The following NEK4 variants were observed in gnomAD, a reference collection of about 807,000 sequenced individuals.
NEK4 encodes serine/threonine-protein kinase Nek4.
A neutral mutation model predicts 98.4 loss-of-function variants in NEK4; 86 were observed. The ratio of observed to expected loss-of-function variants is 0.87; its 90% confidence interval spans 0.73 to 1.05. The LOEUF (loss-of-function observed/expected upper bound fraction) is 1.05. NEK4 is among the 50% of genes least tolerant of loss of function. The pLI, the probability that NEK4 is intolerant of heterozygous loss-of-function variation, is 0.00. For synonymous variants in NEK4, 328 were observed against 342.2 expected (o/e 0.96, Z 0.46); for missense variants, 898 against 950.3 (o/e 0.94, Z 0.72).
chr3:52,736,569 G>A (rs892538752), intron 15 of NEK4, among the ~76,000 whole-genome samples: 1 of 149,410 alleles, frequency 6.7e-6, no homozygotes, highest in Non-Finnish European at 1.5e-5. Flanking sequence ...CTAGGTGACA[G>A]AGCGAGACTC....
At chr3:52,769,779 C>T (rs542595498) in intron 1 of NEK4, among the ~76,000 whole-genome samples, 13 of 152,332 alleles carry the variant, frequency 8.5e-5, no homozygotes, top group African/African-American at 3.1e-4. Context: ...CCAGTTTGTA[C>T]ATTATATTGT....
intron 15 of NEK4, among the ~76,000 whole-genome samples, chr3:52,719,764 G>A (rs2097358485): frequency 6.6e-6 from 1 of 151,932 alleles, no homozygotes; most frequent in Non-Finnish European, 1.5e-5. Context: ...AAATTCTAGA[G>A]CTAAAAAGTA....
At position 52,770,638 on chromosome 3, in the gene NEK4, CCCCA is replaced by C. The variant is rs1346734164; in HGVS notation, c.93+12_93+15del. 3 of 1,492,760 alleles carry C rather than the reference CCCCA, an allele frequency of 2.0e-6. No individual in the cohort carries two copies. In the African/African-American group the frequency reaches 4.2e-5, roughly 21 times the overall value. 92.5% of individuals were successfully genotyped at this position (1,492,760 alleles called of 1,614,324 possible). ...CTGCCCGCCCCCGCCCCTTGCCGGG[CCCCA>C]CCCCTGCAGACCTGCTTGCCGTCCC... is the stretch of plus-strand genomic sequence containing the variant. On this transcript the variant is annotated intron_variant, in intron 1 of 15. Coordinates refer to ENST00000233027, the MANE Select transcript of NEK4 (RefSeq NM_003157.6).
intron 15 of NEK4, among the ~76,000 whole-genome samples, chr3:52,726,516 G>GCA (rs2097364721): frequency 6.6e-6 from 1 of 150,908 alleles, no homozygotes; most frequent in Non-Finnish European, 1.5e-5. Context: ...GGAGAATGCT[G>GCA]TGAATCCGGG....
intron 15 of NEK4, chr3:52,733,623 C>T (rs1317454040): frequency 4.0e-6 from 2 of 499,006 alleles, no homozygotes; most frequent in Non-Finnish European, 8.0e-6. Context: ...ACGTTGAAAG[C>T]ATTTAGCAAG....
intron 6 of NEK4, among the ~76,000 whole-genome samples, chr3:52,758,223 G>C (rs954447976): frequency 6.3e-5 from 9 of 143,894 alleles, no homozygotes; most frequent in African/African-American, 2.0e-4. Flanking sequence ...TAGAATGGTA[G>C]AACAGTGGTT....
intron 15 of NEK4, among the ~76,000 whole-genome samples, chr3:52,737,239 C>A (rs1018668101): frequency 6.6e-6 from 1 of 151,734 alleles, no homozygotes; most frequent in African/African-American, 2.4e-5. Flanking sequence ...CCACCATGCC[C>A]AAGCTAAAGT....
intron 15 of NEK4, chr3:52,733,946 T>C: frequency 4.4e-6 from 1 of 227,606 alleles, no homozygotes; most frequent in Non-Finnish European, 8.8e-6. Flanking sequence ...ACGTTATAAA[T>C]GTAATAAATG....
At chr3:52,753,863 A>G (rs2097409966) in intron 6 of NEK4, 2 of 372,732 alleles carry the variant, frequency 5.4e-6, no homozygotes, top group South Asian at 4.2e-5. Context: ...CATAGGGCAC[A>G]GACTTTATCA....
chr3:52,726,921 G>A (rs1247473950), intron 15 of NEK4, among the ~76,000 whole-genome samples: 2 of 151,210 alleles, frequency 1.3e-5, no homozygotes, highest in African/African-American at 2.4e-5. Flanking sequence ...TAAATAAGAG[G>A]ACTTGAACAA....
In NEK4 at chr3:52,760,835, G is replaced by C. The variant is rs750536100; in HGVS notation, c.923C>G (p.Pro308Arg). The C allele has an allele frequency of 5.0e-6, 8 of 1,610,604 alleles. No homozygotes were observed. Residue 308 changes from proline to arginine, a missense_variant, in exon 6 of 16, where the codon CCC (proline) becomes CGC (arginine). Physicochemically the swap from Pro to Arg is moderately radical, Grantham distance 103 (BLOSUM62 -2). Coordinates refer to ENST00000233027, the MANE Select transcript of NEK4 (RefSeq NM_003157.6). ...GGAGCCCTCAGAAGAGAGTGGTTGG[G>C]GGTGGATTACTTCATGATTTGATTC... ...EAESNHEVIH[P>R]QPLSSEGSQT...
chr3:52,718,003 A>G (rs1264944601), intron 15 of NEK4, among the ~76,000 whole-genome samples: 3 of 150,890 alleles, frequency 2.0e-5, no homozygotes, highest in Non-Finnish European at 2.9e-5. Flanking sequence ...CATGTTGGCC[A>G]GGCTGGTCTC....
Position 52,711,941 on chromosome 3 carries a change from G to C in NEK4, c.2434-72C>G, listed in dbSNP as rs1271559758. ...AATATTTCTGTAATCTTAGAGGAAG[G>C]GCTTTTCTAAGCATGGTATCCAAGG... On this transcript the variant is annotated intron_variant, in intron 15 of 15. Transcript: ENST00000233027. 4 of 814,806 alleles carry C rather than the reference G, an allele frequency of 4.9e-6. No individual in the cohort carries two copies. In the East Asian group the frequency reaches 8.0e-5, roughly 16 times the overall value. 50.5% of individuals were successfully genotyped at this position (814,806 alleles called of 1,614,324 possible). A position where few individuals can be genotyped will look rare whatever the true frequency, so the allele number is the denominator to read the frequency against.
chr3:52,746,348 T>C, intron 9 of NEK4, 138 bp from the exon 10 acceptor site: 1 of 780,658 alleles, frequency 1.3e-6, no homozygotes, highest in Non-Finnish European at 2.0e-6. Context: ...GGAAAGACTC[T>C]GCCAAAAGTC....
intron 7 of NEK4, among the ~76,000 whole-genome samples, chr3:52,750,336 T>C (rs1185686529): frequency 6.6e-6 from 1 of 152,022 alleles, no homozygotes. Context: ...TCACTTGAGG[T>C]CAGGAGTTTG....
At chr3:52,759,108 A>AAG (rs534110304) in intron 6 of NEK4, among the ~76,000 whole-genome samples, 1 of 151,012 alleles carries the variant, frequency 6.6e-6, no homozygotes, top group Non-Finnish European at 1.5e-5. Context: ...GAAAAAAGAA[A>AAG]AAAAAAAAAA....
In NEK4 at chr3:52,737,652, G is replaced by T; in HGVS notation, c.2367C>A (p.Gly789=). 1 of 1,613,736 alleles carries T rather than the reference G, an allele frequency of 6.2e-7. No homozygotes were observed. The highest frequency in any genetic ancestry group is 8.5e-7 in the Non-Finnish European group (1 of 1,179,736). Reference sequence around the variant, plus strand: ...CCTGCTCTAAAAGCTGAACTCCCAGGCCACGAATTACATCAGTTCTCAAGA... The same window carrying T: ...CCTGCTCTAAAAGCTGAACTCCCAGTCCACGAATTACATCAGTTCTCAAGA... ...VEVLRTDVIR[G]LGVQLLEQVY... The change falls in exon 15 of 16, where the codon GGC becomes GGA. Residue 789 remains glycine, a synonymous_variant. Coordinates refer to ENST00000233027, the MANE Select transcript of NEK4 (RefSeq NM_003157.6).
chr3:52,745,137 T>C (rs963527452), intron 10 of NEK4, among the ~76,000 whole-genome samples: 14 of 151,862 alleles, frequency 9.2e-5, no homozygotes, highest in Non-Finnish European at 2.1e-4. Context: ...GCCAGGATGG[T>C]CTCGATCTCC....
chr3:52,746,596 T>C, intron 9 of NEK4, 138 bp downstream of exon 9: 1 of 733,168 alleles, frequency 1.4e-6, no homozygotes, highest in Non-Finnish European at 2.3e-6. Context: ...AAAACTACTA[T>C]TTAGCATCTT....
Sources: gnomAD v4.1 joint callset for allele counts (sites outside exome capture counted in the v4.1 genomes callset) on GRCh38, gnomAD v4.1.1 for gene constraint, MANE v1.5 for transcripts, NCBI Gene and HGNC (gene_info 2026-07-23, HGNC 2026-07-21) for gene names.